Variants in ZNF585A observed in about 807,000 individuals in gnomAD.
ZNF585A encodes the protein zinc finger protein 585A.
In ZNF585A, 9 loss-of-function variants were observed where a neutral mutation model predicts 14.9. The ratio of observed to expected loss-of-function variants is 0.60; its 90% confidence interval spans 0.36 to 1.05. The LOEUF is 1.05. Among genes scored for constraint, ZNF585A ranks in the 50% least tolerant of loss-of-function variants. ZNF585A has a pLI of 0.01. For synonymous variants in ZNF585A, 276 were observed against 319.9 expected (o/e 0.86, Z 1.46); for missense variants, 726 against 926.4 (o/e 0.78, Z 2.81).
chr19:37,169,839 C>G lies in ZNF585A; in HGVS notation c.72G>C (p.Glu24Asp). The change falls in exon 2 of 5, where the codon GAG becomes GAC. Residue 24 changes from glutamate to aspartate, a missense_variant and splice_region_variant. Glu to Asp is a conservative substitution (Grantham distance 45, BLOSUM62 2). Transcript: ENST00000292841. ...LAPEDHGSSY[E>D]GSVSFRDVAI... is the part of the protein sequence containing the mutation. ...CCCCCCTGGGACTCCTCCTTCTCAC[C>G]TCATAGGAGCTGCCATGATCCTCTG... 6.2e-7 allele frequency: 1 copy of G among 1,612,250 alleles called. No homozygotes were observed. Among genetic ancestry groups the G allele is most frequent in the Non-Finnish European group, 8.5e-7 (1 of 1,180,012 alleles).
intron 2 of ZNF585A, among the ~76,000 whole-genome samples, chr19:37,167,567 T>G (rs1972111785): frequency 6.6e-6 from 1 of 152,006 alleles, no homozygotes; most frequent in African/African-American, 2.4e-5. Context: ...ATTCACGTTG[T>G]GTAAGAGCCT....
chr19:37,146,020 G>T lies in ZNF585A; in HGVS notation c.*5569C>A, dbSNP rs999595337. On this transcript the variant is annotated 3_prime_UTR_variant, in exon 5 of 5. Coordinates refer to ENST00000292841, the MANE Select transcript of ZNF585A (RefSeq NM_001288800.2). The stretch of plus-strand genomic sequence containing the variant: ...ACTGTAAGTGGTATGCTATGGCATG[G>T]TGTACGGTATGGTACGGTATGAGGA... 1 of 152,150 alleles carries T rather than the reference G, an allele frequency of 6.6e-6. No homozygotes were observed. Among genetic ancestry groups the T allele is most frequent in the Admixed American group, 6.5e-5 (1 of 15,280 alleles). The allele number at this position is 152,150 out of a possible 1,614,324, so 9.4% of individuals were successfully genotyped here.
rs1971823463 is a variant in ZNF585A, at chr19:37,151,213, ATCAT to A, written c.*372_*375del. 4.8e-6 allele frequency: 2 copies of A among 412,926 alleles called. No homozygotes were observed. The highest frequency in any genetic ancestry group is 2.1e-4 in the South Asian group (2 of 9,478). The allele number at this position is 412,926 out of a possible 1,614,324, so 25.6% of individuals were successfully genotyped here. A position where few individuals can be genotyped will look rare whatever the true frequency, so the allele number is the denominator to read the frequency against. ...AAATAACTACGTATTATGTTGTTTT[ATCAT>A]TCAATTTGTTGGCACTATACCTAAT... On this transcript the variant is annotated 3_prime_UTR_variant, in exon 5 of 5. Coordinates refer to ENST00000292841, the MANE Select transcript of ZNF585A (RefSeq NM_001288800.2).
In ZNF585A at chr19:37,146,343, T is replaced by G. The variant is rs1971744604; in HGVS notation, c.*5246A>C. ...TTGCAGTGAGCCAAGATCACACCAC[T>G]GCACTCCAGCCTGGCAACAGAGTGA... On this transcript the variant is annotated 3_prime_UTR_variant, in exon 5 of 5. Coordinates refer to ENST00000292841, the MANE Select transcript of ZNF585A (RefSeq NM_001288800.2). 1 of 152,242 alleles carries G rather than the reference T, an allele frequency of 6.6e-6. No homozygotes were observed. Among genetic ancestry groups the G allele is most frequent in the Non-Finnish European group, 1.5e-5 (1 of 68,152 alleles). The allele number at this position is 152,242 out of a possible 1,614,324, so 9.4% of individuals were successfully genotyped here.
At chr19:37,167,221 C>A (rs544603495) in intron 2 of ZNF585A, among the ~76,000 whole-genome samples, 1 of 152,310 alleles carries the variant, frequency 6.6e-6, no homozygotes, top group Non-Finnish European at 1.5e-5. Context: ...GTCGCCTGGG[C>A]TGAAGTGCAG....
chr19:37,163,758 C>A (rs1972046536), intron 2 of ZNF585A, among the ~76,000 whole-genome samples: 1 of 151,632 alleles, frequency 6.6e-6, no homozygotes, highest in Non-Finnish European at 1.5e-5. Flanking sequence ...CACACACACA[C>A]ACAAAAACAA....
Position 37,170,042 on chromosome 19 carries a change from G to C in ZNF585A, c.-132C>G, listed in dbSNP as rs1393548445. The C allele has an allele frequency of 1.4e-5, 14 of 1,003,592 alleles. No individual in the cohort carries two copies. Among genetic ancestry groups the C allele is most frequent in the Non-Finnish European group, 2.0e-5 (14 of 690,018 alleles). The allele number at this position is 1,003,592 out of a possible 1,614,324, so 62.2% of individuals were successfully genotyped here. On this transcript the variant is annotated 5_prime_UTR_variant, in exon 2 of 5. Coordinates refer to ENST00000292841, the MANE Select transcript of ZNF585A (RefSeq NM_001288800.2). ...AAATCTGGCCCAGGGGCTCCCCAGA[G>C]ACACCCAGAAACCTGGAAAGACAAT...
At chr19:37,158,266 T>A (rs1971961706) in intron 2 of ZNF585A, among the ~76,000 whole-genome samples, 1 of 152,206 alleles carries the variant, frequency 6.6e-6, no homozygotes, top group Non-Finnish European at 1.5e-5. Context: ...GTATAACTAC[T>A]AATGAAATAA....
intron 1 of ZNF585A, among the ~76,000 whole-genome samples, chr19:37,170,913 T>C (rs982673079): frequency 3.3e-5 from 5 of 152,206 alleles, no homozygotes; most frequent in African/African-American, 1.2e-4. Flanking sequence ...GCGATTACCA[T>C]GCATTATCAG....
chr19:37,151,652 G>C lies in ZNF585A; in HGVS notation c.2247C>G (p.Gly749=), dbSNP rs374973071. The C allele has an allele frequency of 9.9e-6, 16 of 1,614,060 alleles. No individual in the cohort carries two copies. The African/African-American group carries it at 2.1e-4, about 22-fold the overall frequency. ...TCTGAACGAAGCCTTTCCCACAGAT[G>C]CCACACTTGTAGGGTTTGTCTCCAG... ...THTGDKPYKC[G]ICGKGFVQKS... Residue 749 remains glycine, a synonymous_variant, in exon 5 of 5, where the codon GGC becomes GGG. Transcript: ENST00000292841.
chr19:37,170,542 G>A (rs1170976468), intron 1 of ZNF585A, among the ~76,000 whole-genome samples: 1 of 152,198 alleles, frequency 6.6e-6, no homozygotes, highest in Non-Finnish European at 1.5e-5. Flanking sequence ...GGAGTGCAGT[G>A]GTGCGATCTC....
chr19:37,154,038 G>A (rs998806314), intron 4 of ZNF585A, among the ~76,000 whole-genome samples: 14 of 152,140 alleles, frequency 9.2e-5, no homozygotes, highest in Non-Finnish European at 5.9e-5. Flanking sequence ...CCGCTCAAAT[G>A]AGAAACAGGT....
At chr19:37,157,053 T>G (rs1971943462) in intron 2 of ZNF585A, among the ~76,000 whole-genome samples, 1 of 152,208 alleles carries the variant, frequency 6.6e-6, no homozygotes, top group Non-Finnish European at 1.5e-5. Flanking sequence ...CTTTTGTAAG[T>G]AACATTTACA....
chr19:37,160,433 A>G lies in ZNF585A; in HGVS notation c.73-4078T>C, dbSNP rs1282941222. On this transcript the variant is annotated intron_variant, in intron 2 of 4. Coordinates refer to ENST00000292841, the MANE Select transcript of ZNF585A (RefSeq NM_001288800.2). ...AAGAACTCAAAAGCAAGCAGAAGGA[A>G]CTAAATAATAAAAAGTAGAAATCAA... Among the ~76,000 whole-genome samples, 16 of 151,718 alleles carry G rather than the reference A, an allele frequency of 1.1e-4. No homozygotes were observed. The East Asian group carries it at 3.1e-3, about 29-fold the overall frequency.
intron 4 of ZNF585A, 145 bp downstream of exon 4, chr19:37,155,720 C>T: frequency 1.2e-6 from 1 of 835,684 alleles, no homozygotes; most frequent in South Asian, 1.6e-5. Flanking sequence ...ATCTGAGAGG[C>T]CAAGGGGGCA....
At chr19:37,171,908 A>C (rs2145420906) in intron 1 of ZNF585A, among the ~76,000 whole-genome samples, 1 of 152,272 alleles carries the variant, frequency 6.6e-6, no homozygotes, top group South Asian at 2.1e-4. Flanking sequence ...ATCTCAAAAA[A>C]AAAAAAAGTG....
chr19:37,155,191 G>A (rs941349836), intron 4 of ZNF585A, among the ~76,000 whole-genome samples: 4 of 151,362 alleles, frequency 2.6e-5, no homozygotes, highest in South Asian at 2.1e-4. Flanking sequence ...TAGGAGAGAC[G>A]GGGTTTCACC....
chr19:37,147,288 G>A lies in ZNF585A; in HGVS notation c.*4301C>T, dbSNP rs1971755473. On this transcript the variant is annotated 3_prime_UTR_variant, in exon 5 of 5. Transcript: ENST00000292841. The stretch of plus-strand genomic sequence containing the variant: ...ATGGGGATGGAGGCACTGCAAAGGT[G>A]GAAGAGGAAAGCAAGATGCACGGGC... The A allele has an allele frequency of 6.6e-6, 1 of 152,298 alleles. No individual in the cohort carries two copies. The highest frequency in any genetic ancestry group is 2.1e-4 in the South Asian group (1 of 4,832). The allele number at this position is 152,298 out of a possible 1,614,324, so 9.4% of individuals were successfully genotyped here. A position where few individuals can be genotyped will look rare whatever the true frequency, so the allele number is the denominator to read the frequency against.
Position 37,148,747 on chromosome 19 carries a change from A to G in ZNF585A, c.*2842T>C, listed in dbSNP as rs1485651591. Reference sequence around the variant, plus strand: ...TATAACAGCTTTCCTCATAATTGCCAAAAGGAAGCATCCAACAGTCCTTCA... The same window carrying G: ...TATAACAGCTTTCCTCATAATTGCCGAAAGGAAGCATCCAACAGTCCTTCA... On this transcript the variant is annotated 3_prime_UTR_variant, in exon 5 of 5. Coordinates refer to ENST00000292841, the MANE Select transcript of ZNF585A (RefSeq NM_001288800.2). The G allele has an allele frequency of 6.6e-6, 1 of 152,226 alleles. No individual in the cohort carries two copies. Among genetic ancestry groups the G allele is most frequent in the Non-Finnish European group, 1.5e-5 (1 of 68,044 alleles). The allele number at this position is 152,226 out of a possible 1,614,324, so 9.4% of individuals were successfully genotyped here.
Sources: allele counts gnomAD v4.1 joint callset (sites outside exome capture counted in the v4.1 genomes callset), GRCh38; gene constraint gnomAD v4.1.1; transcripts MANE v1.5; gene names NCBI Gene and HGNC (gene_info 2026-07-23, HGNC 2026-07-21).